The following POC1A variants were observed in gnomAD, a reference collection of about 807,000 sequenced individuals.
The protein encoded by POC1A is POC1 centriolar protein A.
A neutral mutation model predicts 47.8 loss-of-function variants in POC1A; 34 were observed. The ratio of observed to expected loss-of-function variants is 0.71; its 90% CI spans 0.54 to 0.95. POC1A has a LOEUF of 0.95. POC1A is among the 40% of genes least tolerant of loss of function. The probability of loss-of-function intolerance (pLI) is 0.00; values close to 1 mark genes in which losing one functional copy is unlikely to be tolerated. For missense variants in POC1A, 466 were observed against 528.3 expected, an observed-to-expected ratio of 0.88 and a Z score of 1.16; for synonymous variants, 177 against 207.6, an observed-to-expected ratio of 0.85 and a Z score of 1.27.
chr3:52,117,038 T>C (rs1345886257), intron 9 of POC1A, among the ~76,000 whole-genome samples: 1 of 151,742 alleles, frequency 6.6e-6, no homozygotes, highest in Non-Finnish European at 1.5e-5. Context: ...AAATACAAAA[T>C]TTAGCCAGGC....
chr3:52,122,715 G>T (rs556124374), intron 8 of POC1A, among the ~76,000 whole-genome samples: 1 of 152,224 alleles, frequency 6.6e-6, no homozygotes, highest in Non-Finnish European at 1.5e-5. Flanking sequence ...GCGTGGCACC[G>T]CCAGGCCTTC....
intron 1 of POC1A, among the ~76,000 whole-genome samples, chr3:52,151,850 C>A (rs1698569677): frequency 6.6e-6 from 1 of 150,792 alleles, no homozygotes; most frequent in South Asian, 2.1e-4. Flanking sequence ...CAGAAACTGA[C>A]AAGCTGCTCC....
rs1169792060 is a variant in POC1A at position 52,138,307 on chromosome 3, G to A, written c.680-5C>T. ...CGTTCACTGCTGCACTGTGCACTGG[G>A]GGAAGGACATCAGTCAGGTGCTGGC... On this transcript the variant is annotated splice_polypyrimidine_tract_variant and splice_region_variant and intron_variant, in intron 6 of 10. Coordinates refer to ENST00000296484, the MANE Select transcript of POC1A (RefSeq NM_015426.5). 6.2e-7 allele frequency: 1 copy of A among 1,609,228 alleles called. No individual in the cohort carries two copies. Among genetic ancestry groups the A allele is most frequent in the Non-Finnish European group, 8.5e-7 (1 of 1,177,730 alleles).
chr3:52,146,217 T>C (rs1258225296), intron 5 of POC1A, among the ~76,000 whole-genome samples: 3 of 152,244 alleles, frequency 2.0e-5, no homozygotes, highest in African/African-American at 7.2e-5. Flanking sequence ...TCAATACAAG[T>C]TGAGAGAGCT....
chr3:52,091,250 C>T (rs1472073266), intron 10 of POC1A, among the ~76,000 whole-genome samples: 1 of 151,946 alleles, frequency 6.6e-6, no homozygotes, highest in African/African-American at 2.4e-5. Flanking sequence ...CTCAGTGGGG[C>T]GGGGAGCTCG....
At chr3:52,136,927 AGTTTT>A (rs896477525) in intron 7 of POC1A, among the ~76,000 whole-genome samples, 8 of 152,178 alleles carry the variant, frequency 5.3e-5, no homozygotes, top group Non-Finnish European at 7.3e-5. Context: ...ACTGTTTCTG[AGTTTT>A]GTTTTGTTTT....
At chr3:52,103,879 T>A (rs1308794646) in intron 9 of POC1A, among the ~76,000 whole-genome samples, 1 of 152,156 alleles carries the variant, frequency 6.6e-6, no homozygotes, top group Non-Finnish European at 1.5e-5. Flanking sequence ...ACTTGAACTC[T>A]CATATACTGC....
intron 7 of POC1A, among the ~76,000 whole-genome samples, chr3:52,132,641 G>C (rs955192510): frequency 6.6e-6 from 1 of 152,132 alleles, no homozygotes; most frequent in African/African-American, 2.4e-5. Flanking sequence ...CCCCAAGCCA[G>C]GACTGCAGGA....
chr3:52,089,527 T>A (rs1214493294), intron 10 of POC1A, among the ~76,000 whole-genome samples: 1 of 152,120 alleles, frequency 6.6e-6, no homozygotes, highest in African/African-American at 2.4e-5. Context: ...GGTGGCTACA[T>A]CCACTCTGGA....
chr3:52,122,853 T>C (rs1358726961), intron 8 of POC1A, among the ~76,000 whole-genome samples: 1 of 152,280 alleles, frequency 6.6e-6, no homozygotes, highest in East Asian at 1.9e-4. Context: ...ATGTTTATCA[T>C]AGCCCTCTAT....
chr3:52,112,340 G>A (rs557255400), intron 9 of POC1A, among the ~76,000 whole-genome samples: 1 of 152,258 alleles, frequency 6.6e-6, no homozygotes, highest in East Asian at 1.9e-4. Flanking sequence ...ACAGTACACT[G>A]AGATTAGAAC....
intron 10 of POC1A, among the ~76,000 whole-genome samples, chr3:52,081,415 G>A (rs576612170): frequency 6.6e-6 from 1 of 152,188 alleles, no homozygotes; most frequent in African/African-American, 2.4e-5. Context: ...ATGATAATAC[G>A]CAGACTCGGC....
chr3:52,098,794 C>T (rs372589566), intron 9 of POC1A, among the ~76,000 whole-genome samples: 57 of 152,366 alleles, frequency 3.7e-4, no homozygotes, highest in African/African-American at 1.3e-3. Flanking sequence ...GTTTACTTGC[C>T]ATCCACTGTG....
chr3:52,136,194 T>C (rs1704454638), intron 7 of POC1A, among the ~76,000 whole-genome samples: 1 of 152,046 alleles, frequency 6.6e-6, no homozygotes, highest in African/African-American at 2.4e-5. Flanking sequence ...TTAAAACTTG[T>C]GGTAAATCAA....
At chr3:52,116,083 C>T (rs1308198983) in intron 9 of POC1A, among the ~76,000 whole-genome samples, 1 of 152,138 alleles carries the variant, frequency 6.6e-6, no homozygotes, top group East Asian at 1.9e-4. Context: ...CCCTGTTTCT[C>T]CAACTCTCTA....
intron 10 of POC1A, among the ~76,000 whole-genome samples, chr3:52,088,932 G>A (rs979028204): frequency 4.5e-5 from 6 of 134,534 alleles, no homozygotes; most frequent in Non-Finnish European, 6.3e-5. Flanking sequence ...TCGTATGACC[G>A]ACCATGAACA....
At chr3:52,137,718 C>A (rs1186464016) in intron 7 of POC1A, among the ~76,000 whole-genome samples, 1 of 152,206 alleles carries the variant, frequency 6.6e-6, no homozygotes, top group East Asian at 1.9e-4. Context: ...TCTCAAACGA[C>A]AAACATGAAG....
intron 9 of POC1A, among the ~76,000 whole-genome samples, chr3:52,108,584 G>A (rs549358042): frequency 6.6e-5 from 10 of 152,260 alleles, no homozygotes; most frequent in African/African-American, 1.7e-4. Context: ...CCCAAGCTCC[G>A]TAATTCATAC....
At chr3:52,111,603 G>A (rs890026535) in intron 9 of POC1A, among the ~76,000 whole-genome samples, 2 of 146,128 alleles carry the variant, frequency 1.4e-5, no homozygotes, top group African/African-American at 2.6e-5. Flanking sequence ...CCGAGATCGC[G>A]CTATTGCATT....
Sources: gnomAD v4.1 joint callset for allele counts (sites outside exome capture counted in the v4.1 genomes callset) on GRCh38, gnomAD v4.1.1 for gene constraint, MANE v1.5 for transcripts, NCBI Gene and HGNC (gene_info 2026-07-23, HGNC 2026-07-21) for gene names.